ZNF709: variants seen among roughly 807,000 people sequenced by gnomAD.
The protein encoded by ZNF709 is zinc finger protein 709.
A neutral mutation model predicts 10.6 loss-of-function variants in ZNF709; 15 were observed. The observed-to-expected ratio is 1.41, with a 90% CI of 0.95 to 2.18. The LOEUF (loss-of-function observed/expected upper bound fraction) is 2.18. Ranked by LOEUF, ZNF709 falls within the 30% of genes most tolerant of loss-of-function variation. ZNF709 has a pLI of 0.00. For synonymous variants in ZNF709, 194 were observed against 238.8 expected, an observed-to-expected ratio of 0.81 and a Z score of 1.73; for missense variants, 589 against 774.0, an observed-to-expected ratio of 0.76 and a Z score of 2.84.
Position 12,464,912 on chromosome 19 carries a change from T to C in ZNF709, c.1010A>G (p.Asp337Gly). The C allele has an allele frequency of 6.2e-7, 1 of 1,612,904 alleles. No individual in the cohort carries two copies. ...GAATGCTTTCCCACATTCCTTACAA[T>C]CATAGGGTTTCTCTCCTGTATGAAT... ...ERIHTGEKPY[D>G]CKECGKAFIS... The change falls in exon 4 of 4, where the codon GAT becomes GGT. Residue 337 changes from aspartate (D) to glycine (G), a missense_variant. Physicochemically the swap from Asp to Gly is moderately conservative, Grantham distance 94 (BLOSUM62 -1). This residue lies in a region of ZNF709 where 418 missense variants were observed against 496.3 expected (regional missense o/e 0.84). Transcript: ENST00000397732.
In ZNF709 at chr19:12,465,327, T is replaced by G. The variant is rs763264478; in HGVS notation, c.595A>C (p.Lys199Gln). Residue 199 changes from lysine to glutamine, a missense_variant, in exon 4 of 4, where the codon AAG becomes CAG. Physicochemically the swap from Lys to Gln is moderately conservative, Grantham distance 53 (BLOSUM62 1). This residue lies in a region of ZNF709 where 418 missense variants were observed against 496.3 expected (regional missense o/e 0.84). Coordinates refer to ENST00000397732, the MANE Select transcript of ZNF709 (RefSeq NM_152601.4). Reference sequence around the variant, plus strand: ...TAAATGAAGGCCTTCCCACATTCCTTACATTCATAAGGTTTCTCTCCAGTA... The same window carrying G: ...TAAATGAAGGCCTTCCCACATTCCTGACATTCATAAGGTTTCTCTCCAGTA... The part of the protein sequence containing the change: ...THTGEKPYEC[K>Q]ECGKAFIYHT... 3 of 1,612,890 alleles carry G rather than the reference T, an allele frequency of 1.9e-6. 1 individual carries two copies. Among genetic ancestry groups the G allele is most frequent in the Non-Finnish European group, 2.5e-6 (3 of 1,179,568 alleles).
chr19:12,481,454 G>A (rs999443718), intron 1 of ZNF709, among the ~76,000 whole-genome samples: 1 of 151,338 alleles, frequency 6.6e-6, no homozygotes, highest in Non-Finnish European at 1.5e-5. Flanking sequence ...TGGCCAGGCT[G>A]GTCTCGAACT....
At chr19:12,470,464 A>G (rs968110396) in intron 1 of ZNF709, among the ~76,000 whole-genome samples, 12 of 152,178 alleles carry the variant, frequency 7.9e-5, no homozygotes, top group African/African-American at 2.9e-4. Flanking sequence ...GACTGTTAAC[A>G]TTAGTAAAAT....
Position 12,464,976 on chromosome 19 carries a change from C to T in ZNF709, c.946G>A (p.Ala316Thr). The T allele has an allele frequency of 6.2e-7, 1 of 1,606,396 alleles. No individual in the cohort carries two copies. The highest frequency in any genetic ancestry group is 8.5e-7 in the Non-Finnish European group (1 of 1,177,584). ...KPYKCKKCGK[A>T]FSFPSSFRKH... is the part of the protein sequence containing the mutation. The stretch of plus-strand genomic sequence containing the variant: ...CTAAAGGAACTAGGAAAACTGAAGG[C>T]TTTCCCACATTTTTTACATTTATAG... Residue 316 changes from alanine (A) to threonine (T), a missense_variant, in exon 4 of 4, where the codon GCC becomes ACC. Ala to Thr is a moderately conservative substitution (Grantham distance 58). Transcript: ENST00000397732.
chr19:12,479,858 G>A (rs1256133992), intron 1 of ZNF709, among the ~76,000 whole-genome samples: 1 of 152,062 alleles, frequency 6.6e-6, no homozygotes, highest in Non-Finnish European at 1.5e-5. Context: ...GACAGAGTGA[G>A]ACTCTGTCTC....
intron 1 of ZNF709, among the ~76,000 whole-genome samples, chr19:12,469,472 T>C (rs1970615181): frequency 2.0e-5 from 3 of 152,048 alleles, no homozygotes; most frequent in African/African-American, 7.2e-5. Flanking sequence ...ACTTAGATCA[T>C]AAAAATTAAA....
intron 1 of ZNF709, among the ~76,000 whole-genome samples, chr19:12,473,516 C>T (rs1486474485): frequency 6.6e-6 from 1 of 152,102 alleles, no homozygotes; most frequent in African/African-American, 2.4e-5. Flanking sequence ...CTGACCAAAG[C>T]TCACCTATAA....
Position 12,461,661 on chromosome 19 carries a change from GA to G in ZNF709, c.*2334del, listed in dbSNP as rs1970517012. The stretch of plus-strand genomic sequence containing the variant: ...CATCAGAGAATATTCCCAACCTTAA[GA>G]GTCTAAATGGTTGCCTGGTGGACAC... On this transcript the variant is annotated 3_prime_UTR_variant, in exon 4 of 4. Coordinates refer to ENST00000397732, the MANE Select transcript of ZNF709 (RefSeq NM_152601.4). The G allele has an allele frequency of 6.6e-6, 1 of 152,178 alleles. No homozygotes were observed. The highest frequency in any genetic ancestry group is 1.5e-5 in the Non-Finnish European group (1 of 68,030). The allele number at this position is 152,178 out of a possible 1,614,324, so 9.4% of individuals were successfully genotyped here.
Position 12,465,580 on chromosome 19 carries a change from A to G in ZNF709, c.342T>C (p.His114=). 6.2e-7 allele frequency: 1 copy of G among 1,613,920 alleles called. No individual in the cohort carries two copies. Among genetic ancestry groups the G allele is most frequent in the Non-Finnish European group, 8.5e-7 (1 of 1,179,982 alleles). ...CSVCGKDYMC[H]SSLNRHMRSH... is the part of the protein sequence containing the mutation. ...ATCTCATGTGCCTATTAAGAGATGA[A>G]TGACACATATAGTCCTTTCCACACA... The change falls in exon 4 of 4, where the codon CAT becomes CAC. Residue 114 remains histidine (H), a synonymous_variant. Coordinates refer to ENST00000397732, the MANE Select transcript of ZNF709 (RefSeq NM_152601.4).
At position 12,462,564 on chromosome 19, in the gene ZNF709, A is replaced by G. The variant is rs1970526287; in HGVS notation, c.*1432T>C. 1 of 152,220 alleles carries G rather than the reference A, an allele frequency of 6.6e-6. No homozygotes were observed. Among genetic ancestry groups the G allele is most frequent in the Non-Finnish European group, 1.5e-5 (1 of 68,032 alleles). 9.4% of individuals were successfully genotyped at this position (152,220 alleles called of 1,614,324 possible). A position where few individuals can be genotyped will look rare whatever the true frequency, so the allele number is the denominator to read the frequency against. On this transcript the variant is annotated 3_prime_UTR_variant, in exon 4 of 4. Coordinates refer to ENST00000397732, the MANE Select transcript of ZNF709 (RefSeq NM_152601.4). Reference sequence around the variant, plus strand: ...AATGAGAGAGTATACTGTATGATAAACTTTGCAGACTCAAAAATTTATTAT... The same window carrying G: ...AATGAGAGAGTATACTGTATGATAAGCTTTGCAGACTCAAAAATTTATTAT...
chr19:12,469,923 G>GT (rs1300802676), intron 1 of ZNF709, among the ~76,000 whole-genome samples: 1 of 152,136 alleles, frequency 6.6e-6, no homozygotes, highest in Non-Finnish European at 1.5e-5. Flanking sequence ...ACGAATTTGA[G>GT]TAACAGGTTA....
intron 1 of ZNF709, among the ~76,000 whole-genome samples, chr19:12,468,904 G>A (rs541040093): frequency 1.1e-3 from 172 of 151,746 alleles, no homozygotes; most frequent in African/African-American, 4.0e-3. Context: ...GCAGTGGCGC[G>A]ATCTCAGCTC....
chr19:12,484,748 A>G lies in ZNF709; in HGVS notation c.-91T>C, dbSNP rs1970764466. On this transcript the variant is annotated 5_prime_UTR_variant, in exon 1 of 4. Coordinates refer to ENST00000397732, the MANE Select transcript of ZNF709 (RefSeq NM_152601.4). ...CCACCTGAGGCCCTTCCTCCACCTG[A>G]GGGCCTTCTGGGGTGAGGAGACCCC... is the stretch of plus-strand genomic sequence containing the variant. 6.3e-7 allele frequency: 1 copy of G among 1,584,918 alleles called. No individual in the cohort carries two copies. The highest frequency in any genetic ancestry group is 1.7e-5 in the Admixed American group (1 of 59,710).
intron 1 of ZNF709, among the ~76,000 whole-genome samples, chr19:12,481,993 AGG>A (rs1393000648): frequency 2.9e-4 from 44 of 151,202 alleles, no homozygotes; most frequent in South Asian, 2.1e-4. Flanking sequence ...GAAGAAGGAA[AGG>A]AAAGGAAGAA....
intron 1 of ZNF709, among the ~76,000 whole-genome samples, chr19:12,480,990 C>T (rs1778962712): frequency 6.6e-6 from 1 of 150,432 alleles, no homozygotes; most frequent in African/African-American, 2.4e-5. Context: ...CGCCATGTTG[C>T]CCACGCTAGT....
intron 1 of ZNF709, among the ~76,000 whole-genome samples, chr19:12,479,870 A>G (rs1422531118): frequency 6.6e-6 from 1 of 151,954 alleles, no homozygotes; most frequent in Non-Finnish European, 1.5e-5. Flanking sequence ...CTCTGTCTCA[A>G]AAAAAAAGAC....
chr19:12,463,867 C>T lies in ZNF709; in HGVS notation c.*129G>A. On this transcript the variant is annotated 3_prime_UTR_variant, in exon 4 of 4. Coordinates refer to ENST00000397732, the MANE Select transcript of ZNF709 (RefSeq NM_152601.4). ...GCTTGAACCCAGGAGACAGAGGTTG[C>T]AGTGAGCTGAGATCACTCTACTGCA... 1 of 687,556 alleles carries T rather than the reference C, an allele frequency of 1.5e-6. No individual in the cohort carries two copies. The allele number at this position is 687,556 out of a possible 1,614,324, so 42.6% of individuals were successfully genotyped here.
intron 1 of ZNF709, among the ~76,000 whole-genome samples, chr19:12,483,481 T>C (rs898841568): frequency 2.0e-5 from 3 of 151,960 alleles, no homozygotes; most frequent in Non-Finnish European, 4.4e-5. Context: ...CTGAAACCCA[T>C]CTCTTTCTTG....
chr19:12,482,555 C>T (rs1178570447), intron 1 of ZNF709, among the ~76,000 whole-genome samples: 1 of 152,116 alleles, frequency 6.6e-6, no homozygotes, highest in East Asian at 1.9e-4. Context: ...AGACAGATCT[C>T]CTGGCCTTTA....
Sources: gnomAD v4.1 joint callset for allele counts (sites outside exome capture counted in the v4.1 genomes callset) on GRCh38, gnomAD v4.1.1 for gene constraint, gnomAD v4.1.1 regional missense constraint, MANE v1.5 for transcripts, NCBI Gene and HGNC (gene_info 2026-07-23, HGNC 2026-07-21) for gene names.